GBE1: variants seen among roughly 807,000 people sequenced by gnomAD.
GBE1 encodes 1,4-alpha-glucan-branching enzyme.
In GBE1, 70 loss-of-function variants were observed where a neutral mutation model predicts 88.8. The observed-to-expected ratio is 0.79, with a 90% confidence interval of 0.65 to 0.96. The LOEUF (loss-of-function observed/expected upper bound fraction) is 0.96. Ranked by LOEUF, GBE1 falls within the 40% of genes least tolerant of loss-of-function variation. GBE1 has a pLI of 0.00. For missense variants in GBE1, 872 were observed against 871.0 expected, an observed-to-expected ratio of 1.00 and a Z score of -0.01; for synonymous variants, 284 against 300.1, an observed-to-expected ratio of 0.95 and a Z score of 0.56.
At chr3:81,749,640 G>T (rs560909473) in intron 1 of GBE1, among the ~76,000 whole-genome samples, 6 of 152,150 alleles carry the variant, frequency 3.9e-5, no homozygotes, top group Non-Finnish European at 7.3e-5. Flanking sequence ...TGTAAATAAG[G>T]TCTGTAGTTT....
chr3:81,544,426 G>A (rs891322742), intron 12 of GBE1, among the ~76,000 whole-genome samples: 5 of 152,048 alleles, frequency 3.3e-5, no homozygotes, highest in Non-Finnish European at 2.9e-5. Flanking sequence ...AATGTTCCTC[G>A]ATTCAAAATG....
chr3:81,636,276 G>T (rs1401036830), intron 7 of GBE1, among the ~76,000 whole-genome samples: 1 of 152,088 alleles, frequency 6.6e-6, no homozygotes, highest in Non-Finnish European at 1.5e-5. Flanking sequence ...CCTTAATCAA[G>T]CTGAAATAAG....
intron 1 of GBE1, among the ~76,000 whole-genome samples, chr3:81,753,694 C>T (rs1025090746): frequency 2.6e-5 from 4 of 152,080 alleles, no homozygotes; most frequent in African/African-American, 9.7e-5. Flanking sequence ...GAGGTCAGAG[C>T]CTGTTGACCA....
At chr3:81,677,432 G>T (rs1398886875) in intron 2 of GBE1, among the ~76,000 whole-genome samples, 2 of 152,190 alleles carry the variant, frequency 1.3e-5, no homozygotes, top group Non-Finnish European at 2.9e-5. Flanking sequence ...CCACTTTGGA[G>T]CAAGGAAACA....
At chr3:81,547,107 C>A (rs551110216) in intron 12 of GBE1, among the ~76,000 whole-genome samples, 1 of 151,418 alleles carries the variant, frequency 6.6e-6, no homozygotes, top group East Asian at 1.9e-4. Context: ...GGCGAACTTT[C>A]GGCACGTGGG....
At chr3:81,576,989 T>C (rs1703656908) in intron 12 of GBE1, among the ~76,000 whole-genome samples, 1 of 152,112 alleles carries the variant, frequency 6.6e-6, no homozygotes, top group Non-Finnish European at 1.5e-5. Context: ...TTTGTCACCC[T>C]AGCTGGAGTG....
intron 14 of GBE1, among the ~76,000 whole-genome samples, chr3:81,510,168 TA>T (rs1702706218): frequency 6.6e-6 from 1 of 152,074 alleles, no homozygotes; most frequent in East Asian, 1.9e-4. Context: ...ATATATCTAA[TA>T]TTTTGGCAGG....
At chr3:81,610,836 T>C (rs1704170122) in intron 7 of GBE1, among the ~76,000 whole-genome samples, 1 of 152,174 alleles carries the variant, frequency 6.6e-6, no homozygotes, top group South Asian at 2.1e-4. Context: ...CACTGACAAG[T>C]TCCCAATTTA....
intron 2 of GBE1, among the ~76,000 whole-genome samples, chr3:81,701,734 T>C (rs1173234337): frequency 1.3e-5 from 2 of 152,022 alleles, no homozygotes; most frequent in Non-Finnish European, 2.9e-5. Flanking sequence ...TACACACCAA[T>C]TCATGATGAT....
At chr3:81,689,040 A>T (rs1705481981) in intron 2 of GBE1, among the ~76,000 whole-genome samples, 2 of 152,194 alleles carry the variant, frequency 1.3e-5, no homozygotes, top group African/African-American at 4.8e-5. Context: ...ATAAACCTCT[A>T]TATGTGATTT....
chr3:81,704,283 G>A (rs1705740869), intron 2 of GBE1, among the ~76,000 whole-genome samples: 1 of 151,878 alleles, frequency 6.6e-6, no homozygotes, highest in African/African-American at 2.4e-5. Flanking sequence ...TGCTGTCTTA[G>A]ACAATGCATA....
chr3:81,580,389 T>G (rs933170702), intron 11 of GBE1, among the ~76,000 whole-genome samples: 1 of 152,100 alleles, frequency 6.6e-6, no homozygotes, highest in East Asian at 1.9e-4. Flanking sequence ...TTTCCCTACA[T>G]GACCCAAGGA....
rs1195511705 is a variant in GBE1, at chr3:81,750,574, TACGTATATATATAC to T, written c.143+10787_143+10800del. ...ATGTATATATATATGTATATATATA[TACGTATATATATAC>T]GTATATATATATGTGTATATATATA... On this transcript the variant is annotated intron_variant, in intron 1 of 15. Coordinates refer to ENST00000429644, the MANE Select transcript of GBE1 (RefSeq NM_000158.4). Among the ~76,000 whole-genome samples the T allele has an allele frequency of 9.0e-3, 591 of 65,626 alleles. 87 individuals are homozygous for T. The highest frequency in any genetic ancestry group is 0.05 in the African/African-American group (566 of 11,380). The allele number at this position is 65,626 out of a possible 152,430, so 43.1% of individuals were successfully genotyped here. A position where few individuals can be genotyped will look rare whatever the true frequency, so the allele number is the denominator to read the frequency against.
chr3:81,700,796 A>C (rs1210401588), intron 2 of GBE1, among the ~76,000 whole-genome samples: 1 of 152,190 alleles, frequency 6.6e-6, no homozygotes, highest in Non-Finnish European at 1.5e-5. Flanking sequence ...TTCTATAGGC[A>C]TAAAAATCAA....
intron 14 of GBE1, among the ~76,000 whole-genome samples, chr3:81,511,165 C>T (rs1239681867): frequency 6.6e-6 from 1 of 151,948 alleles, no homozygotes; most frequent in Non-Finnish European, 1.5e-5. Context: ...TCACCATATA[C>T]AAAAATTAAC....
At chr3:81,722,450 T>C (rs187078560) in intron 1 of GBE1, among the ~76,000 whole-genome samples, 2 of 152,086 alleles carry the variant, frequency 1.3e-5, no homozygotes, top group East Asian at 3.9e-4. Flanking sequence ...TTCTATTTTT[T>C]CCTACTATAA....
At chr3:81,547,159 C>A (rs1279031471) in intron 12 of GBE1, among the ~76,000 whole-genome samples, 1 of 151,298 alleles carries the variant, frequency 6.6e-6, no homozygotes, top group African/African-American at 2.4e-5. Context: ...ATTAGACGCC[C>A]AATTTAAGGG....
At chr3:81,618,164 T>C (rs1164531158) in intron 7 of GBE1, among the ~76,000 whole-genome samples, 1 of 152,060 alleles carries the variant, frequency 6.6e-6, no homozygotes, top group Non-Finnish European at 1.5e-5. Flanking sequence ...ATAAGTCTGC[T>C]GGCAACAAAT....
chr3:81,753,154 T>TAA (rs961534397), intron 1 of GBE1, among the ~76,000 whole-genome samples: 2 of 152,186 alleles, frequency 1.3e-5, no homozygotes, highest in Non-Finnish European at 2.9e-5. Flanking sequence ...ATGTATAACA[T>TAA]ATTTTAAAAC....
Sources: allele counts gnomAD v4.1 joint callset (sites outside exome capture counted in the v4.1 genomes callset), GRCh38; gene constraint gnomAD v4.1.1; transcripts MANE v1.5; gene names NCBI Gene and HGNC (gene_info 2026-07-23, HGNC 2026-07-21).